Variants in NLGN1 observed in about 807,000 individuals in gnomAD.
The protein encoded by NLGN1 is neuroligin-1.
In NLGN1, 12 loss-of-function variants were observed where a neutral mutation model predicts 65.5. The observed-to-expected ratio is 0.18, with a 90% CI of 0.12 to 0.30. The LOEUF (loss-of-function observed/expected upper bound fraction) is 0.30, where lower values mean the gene tolerates loss of function less well. Among genes scored for constraint, NLGN1 ranks in the 10% least tolerant of loss-of-function variants. The probability of loss-of-function intolerance (pLI) is 1.00; values close to 1 mark genes in which losing one functional copy is unlikely to be tolerated. For synonymous variants in NLGN1, 350 were observed against 359.5 expected (o/e 0.97, Z 0.30); for missense variants, 750 against 1,007.1 (o/e 0.74, Z 3.46).
At chr3:173,774,445 A>G (rs943832001) in intron 3 of NLGN1, among the ~76,000 whole-genome samples, 2 of 152,150 alleles carry the variant, frequency 1.3e-5, no homozygotes, top group Admixed American at 1.3e-4. Context: ...CCTGTATTCA[A>G]TGTCTTTTTG....
At chr3:173,528,489 C>T (rs1234077456) in intron 2 of NLGN1, among the ~76,000 whole-genome samples, 1 of 152,160 alleles carries the variant, frequency 6.6e-6, no homozygotes, top group African/African-American at 2.4e-5. Flanking sequence ...GCATCTCTAG[C>T]AAGATCAAGG....
intron 4 of NLGN1, among the ~76,000 whole-genome samples, chr3:174,121,904 C>G (rs1441323894): frequency 6.6e-6 from 1 of 152,134 alleles, no homozygotes; most frequent in South Asian, 2.1e-4. Flanking sequence ...ATATGAGAAA[C>G]TGAACTCACT....
At chr3:173,880,477 T>C (rs953314564) in intron 4 of NLGN1, among the ~76,000 whole-genome samples, 3 of 151,658 alleles carry the variant, frequency 2.0e-5, no homozygotes, top group African/African-American at 7.2e-5. Context: ...TGCAATCAAG[T>C]GATTCACACA....
intron 3 of NLGN1, among the ~76,000 whole-genome samples, chr3:173,793,987 C>T (rs148552521): frequency 3.5e-4 from 54 of 152,132 alleles, no homozygotes; most frequent in African/African-American, 1.3e-3. Flanking sequence ...CCTCATCACC[C>T]ACGACTCTCT....
intron 4 of NLGN1, among the ~76,000 whole-genome samples, chr3:174,107,791 G>T (rs1714272937): frequency 6.6e-6 from 1 of 152,060 alleles, no homozygotes; most frequent in South Asian, 2.1e-4. Flanking sequence ...TGCATCTCCA[G>T]CAGCAATTGC....
At position 173,893,002 on chromosome 3, in the gene NLGN1, T is replaced by G. The variant is rs569911075; in HGVS notation, c.646+85170T>G. Among the ~76,000 whole-genome samples, 24 of 152,304 alleles carry G rather than the reference T, an allele frequency of 1.6e-4. No individual in the cohort carries two copies. In the South Asian group the frequency reaches 4.1e-3, roughly 26 times the overall value. On this transcript the variant is annotated intron_variant, in intron 4 of 6. Transcript: ENST00000457714. Reference sequence around the variant, plus strand: ...ATCTTCTGAGCCCTTGCCTCTTGTATACCTGCTAATTACATTAATATTTGA... The same window carrying G: ...ATCTTCTGAGCCCTTGCCTCTTGTAGACCTGCTAATTACATTAATATTTGA...
At chr3:173,982,567 A>T (rs1330431444) in intron 4 of NLGN1, among the ~76,000 whole-genome samples, 1 of 152,164 alleles carries the variant, frequency 6.6e-6, no homozygotes, top group Non-Finnish European at 1.5e-5. Context: ...TTAACTCTAT[A>T]AGGTGAAGGA....
intron 4 of NLGN1, among the ~76,000 whole-genome samples, chr3:174,248,567 C>G (rs1002667281): frequency 2.0e-5 from 3 of 152,148 alleles, no homozygotes; most frequent in African/African-American, 7.2e-5. Flanking sequence ...TGAGACCAGA[C>G]TGGCCAAAAC....
At chr3:174,126,215 T>G (rs570862410) in intron 4 of NLGN1, among the ~76,000 whole-genome samples, 1 of 152,268 alleles carries the variant, frequency 6.6e-6, no homozygotes, top group South Asian at 2.1e-4. Context: ...TGTTTGGGCT[T>G]TAAAATCAAG....
intron 2 of NLGN1, among the ~76,000 whole-genome samples, chr3:173,503,930 C>T (rs1431978585): frequency 1.3e-5 from 2 of 151,820 alleles, no homozygotes; most frequent in African/African-American, 4.8e-5. Flanking sequence ...CAATTTAAAG[C>T]ACTTTGCTTC....
intron 2 of NLGN1, among the ~76,000 whole-genome samples, chr3:173,440,629 A>G (rs936179639): frequency 4.6e-5 from 7 of 152,278 alleles, no homozygotes; most frequent in African/African-American, 1.7e-4. Context: ...GAGCAGTAAT[A>G]TTTTGAAAAG....
chr3:173,887,116 A>G (rs1734485851), intron 4 of NLGN1, among the ~76,000 whole-genome samples: 1 of 152,060 alleles, frequency 6.6e-6, no homozygotes, highest in Non-Finnish European at 1.5e-5. Flanking sequence ...CTCATTGGAA[A>G]CAAAGTGCAT....
intron 2 of NLGN1, among the ~76,000 whole-genome samples, chr3:173,561,339 G>C (rs1742696982): frequency 6.6e-6 from 1 of 152,168 alleles, no homozygotes; most frequent in Admixed American, 6.5e-5. Flanking sequence ...ATATGTGGTT[G>C]TGATGTTGAC....
At chr3:173,749,231 C>T (rs1775974526) in intron 3 of NLGN1, among the ~76,000 whole-genome samples, 1 of 151,848 alleles carries the variant, frequency 6.6e-6, no homozygotes. Context: ...AGCATAAAGC[C>T]ACAGTTTAAA....
rs539346824 is a variant in NLGN1, at chr3:173,822,842, C to T, written c.646+15010C>T. Reference sequence around the variant, plus strand: ...ATTAAGAAAGCCAAATTTTTGTTTTCTCTTATTCTCTTAAAAAAGATCTAC... The same window carrying T: ...ATTAAGAAAGCCAAATTTTTGTTTTTTCTTATTCTCTTAAAAAAGATCTAC... On this transcript the variant is annotated intron_variant, in intron 4 of 6. Coordinates refer to ENST00000457714, the Ensembl canonical transcript of NLGN1. Among the ~76,000 whole-genome samples, 418 of 151,878 alleles carry T rather than the reference C, an allele frequency of 2.8e-3. 4 individuals carry two copies. Among genetic ancestry groups the T allele is most frequent in the Middle Eastern group, 0.017 (5 of 292 alleles).
At chr3:173,874,138 C>T (rs981591913) in intron 4 of NLGN1, among the ~76,000 whole-genome samples, 1 of 152,104 alleles carries the variant, frequency 6.6e-6, no homozygotes, top group Non-Finnish European at 1.5e-5. Flanking sequence ...TTTAAGCCAC[C>T]CAGTTTGTGG....
At chr3:173,608,133 C>T (rs1751679452) in intron 3 of NLGN1, among the ~76,000 whole-genome samples, 1 of 151,854 alleles carries the variant, frequency 6.6e-6, no homozygotes, top group African/African-American at 2.4e-5. Context: ...ATCCCTCCTC[C>T]AAGAGATGTT....
intron 4 of NLGN1, among the ~76,000 whole-genome samples, chr3:173,845,347 G>T (rs1725525629): frequency 6.6e-6 from 1 of 152,082 alleles, no homozygotes; most frequent in South Asian, 2.1e-4. Flanking sequence ...TGTACTGGGA[G>T]ACAGTAAGCC....
At chr3:173,533,753 G>A (rs983714349) in intron 2 of NLGN1, among the ~76,000 whole-genome samples, 1 of 152,168 alleles carries the variant, frequency 6.6e-6, no homozygotes, top group African/African-American at 2.4e-5. Context: ...GGAGGTCGAG[G>A]CAGGCAGCTC....
Sources: allele counts gnomAD v4.1 joint callset (sites outside exome capture counted in the v4.1 genomes callset), GRCh38; gene constraint gnomAD v4.1.1; transcripts MANE v1.5; gene names NCBI Gene and HGNC (gene_info 2026-07-23, HGNC 2026-07-21).